Variants in PHF2 observed in about 807,000 individuals in gnomAD.
PHF2 encodes lysine-specific demethylase PHF2.
A neutral mutation model predicts 120.5 loss-of-function variants in PHF2; 27 were observed. That is an observed-to-expected ratio of 0.22 (90% confidence interval 0.17 to 0.31). The LOEUF is 0.31. Ranked by LOEUF, PHF2 falls within the 10% of genes least tolerant of loss-of-function variation. PHF2 has a pLI of 1.00. For missense variants in PHF2, 1,024 were observed against 1,434.8 expected, an observed-to-expected ratio of 0.71 and a Z score of 4.63; for synonymous variants, 568 against 592.5, an observed-to-expected ratio of 0.96 and a Z score of 0.60.
intron 17 of PHF2, among the ~76,000 whole-genome samples, chr9:93,669,352 G>A (rs1203906336): frequency 1.3e-5 from 2 of 152,266 alleles, no homozygotes; most frequent in African/African-American, 2.4e-5. Context: ...CTGCTTCTGC[G>A]GAGATGTCAG....
chr9:93,613,053 G>T (rs1825663840), intron 1 of PHF2, among the ~76,000 whole-genome samples: 1 of 152,256 alleles, frequency 6.6e-6, no homozygotes, highest in South Asian at 2.1e-4. Context: ...AGCTTTAGCT[G>T]TCTGGGGCTA....
At position 93,677,714 on chromosome 9, in the gene PHF2, C is replaced by G; in HGVS notation, c.*38C>G. ...CAGGATCCTTCTGCTCCGCTCAGGA[C>G]CCCCGGAGCCCCGCGAAAACATCTG... On this transcript the variant is annotated 3_prime_UTR_variant, in exon 22 of 22. Coordinates refer to ENST00000359246, the MANE Select transcript of PHF2 (RefSeq NM_005392.4). This position sits in a 1 kb window ranked among gnomAD's most constrained non-coding sequence, Gnocchi z 4.4. 6.7e-7 allele frequency: 1 copy of G among 1,485,844 alleles called. No individual in the cohort carries two copies. The highest frequency in any genetic ancestry group is 9.4e-7 in the Non-Finnish European group (1 of 1,068,586). The allele number at this position is 1,485,844 out of a possible 1,614,324, so 92.0% of individuals were successfully genotyped here. A position where few individuals can be genotyped will look rare whatever the true frequency, so the allele number is the denominator to read the frequency against.
intron 1 of PHF2, among the ~76,000 whole-genome samples, chr9:93,627,072 AATCTG>A (rs1825925504): frequency 1.3e-5 from 2 of 152,226 alleles, no homozygotes; most frequent in East Asian, 3.8e-4. Context: ...GATTGCATTG[AATCTG>A]TAGATTCCTT....
In PHF2 at chr9:93,579,155, C is replaced by T. The variant is rs1053041495; in HGVS notation, c.98+2284C>T. On this transcript the variant is annotated intron_variant, in intron 1 of 21. Transcript: ENST00000359246. ...TCTCTCAGCATCACTTTTCTTTTCT[C>T]ATCAGTAAAATGAACGTGTGTGACC... Among the ~76,000 whole-genome samples, 19 of 152,190 alleles carry T rather than the reference C, an allele frequency of 1.2e-4. 1 individual carries two copies. The highest frequency in any genetic ancestry group is 2.1e-4 in the South Asian group (1 of 4,826).
intron 1 of PHF2, among the ~76,000 whole-genome samples, chr9:93,583,092 A>G (rs1564370735): frequency 1.3e-5 from 2 of 152,208 alleles, no homozygotes; most frequent in African/African-American, 4.8e-5. Context: ...CCTGACAACT[A>G]GCAGTCTGCT....
At chr9:93,666,101 C>T in intron 16 of PHF2, 41 bp downstream of exon 16, 2 of 1,589,060 alleles carry the variant, frequency 1.3e-6, no homozygotes, top group South Asian at 2.2e-5. Context: ...CGGGGGGCAT[C>T]TCTGGGCAGT....
chr9:93,624,217 C>CA (rs1384301088), intron 1 of PHF2, among the ~76,000 whole-genome samples: 1 of 152,166 alleles, frequency 6.6e-6, no homozygotes, highest in Non-Finnish European at 1.5e-5. Context: ...CTGCGTGTCT[C>CA]AGAGTGAGTG....
intron 5 of PHF2, among the ~76,000 whole-genome samples, chr9:93,652,290 CT>C (rs751282822): frequency 0.019 from 1,825 of 96,330 alleles, 14 homozygotes; most frequent in East Asian, 0.078. Flanking sequence ...TTGAGCTTGA[CT>C]TTTTTTTTTT....
At chr9:93,593,656 G>A (rs4744255) in intron 1 of PHF2, among the ~76,000 whole-genome samples, 42,940 of 152,132 alleles carry the variant, frequency 0.28, 6,924 homozygotes, top group South Asian at 0.6. Flanking sequence ...CTACACTGTT[G>A]AATGATGAAG....
chr9:93,602,580 G>C (rs979312400), intron 1 of PHF2, among the ~76,000 whole-genome samples: 1 of 151,874 alleles, frequency 6.6e-6, no homozygotes, highest in African/African-American at 2.4e-5. Flanking sequence ...TATTGACTTT[G>C]ATCATTTTTT....
intron 17 of PHF2, among the ~76,000 whole-genome samples, chr9:93,670,382 C>T (rs887612556): frequency 3.9e-5 from 6 of 152,210 alleles, no homozygotes; most frequent in Non-Finnish European, 1.5e-5. Context: ...GGCTGGACCA[C>T]GTGAGTGGTG....
intron 1 of PHF2, among the ~76,000 whole-genome samples, chr9:93,599,353 T>C (rs1444867056): frequency 6.6e-6 from 1 of 152,050 alleles, no homozygotes; most frequent in Non-Finnish European, 1.5e-5. Context: ...GCCACCACGT[T>C]GTGGGCTGCT....
Position 93,670,660 on chromosome 9 carries a change from G to A in PHF2, c.2349-2925G>A, listed in dbSNP as rs531897185. ...GGACTTGGCCTTGGGGGTCCTTGCT[G>A]TCCAGCAGCACCAAGCCCCTGGTTC... On this transcript the variant is annotated intron_variant, in intron 17 of 21. Coordinates refer to ENST00000359246, the MANE Select transcript of PHF2 (RefSeq NM_005392.4). Among the ~76,000 whole-genome samples the A allele has an allele frequency of 1.1e-3, 172 of 152,298 alleles. 1 individual carries two copies. Among genetic ancestry groups the A allele is most frequent in the African/African-American group, 3.7e-3 (153 of 41,572 alleles).
At chr9:93,658,793 C>T (rs920347975) in intron 10 of PHF2, among the ~76,000 whole-genome samples, 1 of 152,154 alleles carries the variant, frequency 6.6e-6, no homozygotes, top group Non-Finnish European at 1.5e-5. Flanking sequence ...TGCTCTGTGA[C>T]CCGGGCAGCC....
intron 1 of PHF2, among the ~76,000 whole-genome samples, chr9:93,618,848 GCCTGTGTGT>G (rs1825773579): frequency 6.6e-4 from 1 of 1,520 alleles, no homozygotes. Context: ...GTGTGTGTGT[GCCTGTGTGT>G]GGTGTTCGTG....
intron 1 of PHF2, among the ~76,000 whole-genome samples, chr9:93,624,711 A>AAG (rs1825882023): frequency 7.1e-6 from 1 of 140,050 alleles, no homozygotes; most frequent in Non-Finnish European, 1.5e-5. Flanking sequence ...GGTAGAGGTG[A>AAG]TGATGATGAT....
intron 1 of PHF2, among the ~76,000 whole-genome samples, chr9:93,617,995 T>G (rs1825755090): frequency 6.6e-6 from 1 of 152,238 alleles, no homozygotes; most frequent in Admixed American, 6.5e-5. Context: ...ATCAATACTT[T>G]GCATCCTTCA....
chr9:93,620,268 G>A (rs1360625126), intron 1 of PHF2, among the ~76,000 whole-genome samples: 1 of 152,208 alleles, frequency 6.6e-6, no homozygotes, highest in Non-Finnish European at 1.5e-5. Context: ...CTGGTTCTGT[G>A]AGGACCGTCC....
At chr9:93,587,036 G>A (rs1283795043) in intron 1 of PHF2, among the ~76,000 whole-genome samples, 2 of 152,268 alleles carry the variant, frequency 1.3e-5, no homozygotes, top group East Asian at 3.8e-4. Context: ...TGGCCCCAGT[G>A]CAGGAAGATG....
Sources: gnomAD v4.1 joint callset for allele counts (sites outside exome capture counted in the v4.1 genomes callset) on GRCh38, gnomAD v4.1.1 for gene constraint, Gnocchi (gnomAD v3.1) non-coding constraint, MANE v1.5 for transcripts, NCBI Gene and HGNC (gene_info 2026-07-23, HGNC 2026-07-21) for gene names.